Variants in CRYBG1 observed in about 807,000 individuals in gnomAD.
The protein encoded by CRYBG1 is beta/gamma crystallin domain-containing protein 1.
In CRYBG1, 139 loss-of-function variants were observed where a neutral mutation model predicts 189.2. The observed-to-expected ratio is 0.73, with a 90% CI of 0.64 to 0.85. The LOEUF (loss-of-function observed/expected upper bound fraction) is 0.85. Ranked by LOEUF, CRYBG1 falls within the 40% of genes least tolerant of loss-of-function variation. The pLI, the probability that CRYBG1 is intolerant of heterozygous loss-of-function variation, is 0.00. For synonymous variants in CRYBG1, 1,023 were observed against 1,017.1 expected, an observed-to-expected ratio of 1.01 and a Z score of -0.11; for missense variants, 2,611 against 2,675.8, an observed-to-expected ratio of 0.98 and a Z score of 0.53.
chr6:106,546,270 T>C (rs1214588681), intron 13 of CRYBG1, among the ~76,000 whole-genome samples: 2 of 152,232 alleles, frequency 1.3e-5, no homozygotes, highest in Non-Finnish European at 2.9e-5. Context: ...AGTTACATAA[T>C]TATTCTTGTA....
rs1771547820 is a variant in CRYBG1, at chr6:106,440,464, A to T, written c.174-11230A>T. 2.6e-5 allele frequency among the ~76,000 whole-genome samples: 4 copies of T among 151,976 alleles called. No homozygotes were observed. In the South Asian group the frequency reaches 8.3e-4, roughly 32 times the overall value. On this transcript the variant is annotated intron_variant, in intron 1 of 21. Transcript: ENST00000633556. ...ATTTTTTTGGTAGAGGCAGGGTTTC[A>T]CTATGTTGCCCAGGCTGGTCTCGAA... is the stretch of plus-strand genomic sequence containing the variant.
intron 2 of CRYBG1, among the ~76,000 whole-genome samples, chr6:106,476,857 G>T (rs1040994870): frequency 1.2e-4 from 19 of 152,290 alleles, no homozygotes; most frequent in African/African-American, 4.6e-4. Context: ...AGTCATATCT[G>T]CTCAGGTTCA....
In CRYBG1 at chr6:106,553,344, G is replaced by C. The variant is rs112409758; in HGVS notation, c.5473-111G>C. 270 of 676,396 alleles carry C rather than the reference G, an allele frequency of 4.0e-4. No homozygotes were observed. The African/African-American group carries it at 4.4e-3, about 11-fold the overall frequency. The allele number at this position is 676,396 out of a possible 1,614,324, so 41.9% of individuals were successfully genotyped here. A position where few individuals can be genotyped will look rare whatever the true frequency, so the allele number is the denominator to read the frequency against. ...TAAAGGATTTCTAAAATTCGTACCA[G>C]TTTACTGTAACAAAAGTCAGCAGGT... On this transcript the variant is annotated intron_variant, in intron 15 of 21. Coordinates refer to ENST00000633556, the MANE Select transcript of CRYBG1 (RefSeq NM_001371242.2).
In CRYBG1 at chr6:106,568,881, C is replaced by T. The variant is rs771178961; in HGVS notation, c.*315C>T. ...TATATCAAGATTTCAAGACTGTGTACATTTTAAATTATTTCCAAAGATAGT... is the reference window on the plus strand; with the variant it reads ...TATATCAAGATTTCAAGACTGTGTATATTTTAAATTATTTCCAAAGATAGT... On this transcript the variant is annotated 3_prime_UTR_variant, in exon 22 of 22. Coordinates refer to ENST00000633556, the MANE Select transcript of CRYBG1 (RefSeq NM_001371242.2). 31 of 236,818 alleles carry T rather than the reference C, an allele frequency of 1.3e-4. No homozygotes were observed. Among genetic ancestry groups the T allele is most frequent in the African/African-American group, 1.8e-4 (8 of 44,764 alleles). 14.7% of individuals were successfully genotyped at this position (236,818 alleles called of 1,614,324 possible).
Position 106,562,575 on chromosome 6 carries a change from C to T in CRYBG1, c.6138+1075C>T, listed in dbSNP as rs554520521. On this transcript the variant is annotated intron_variant, in intron 20 of 21. Coordinates refer to ENST00000633556, the MANE Select transcript of CRYBG1 (RefSeq NM_001371242.2). ...TATCTCGGCTCACTTCAACCTGTAC[C>T]TCCCGGGTTCACGCGATTCTCCTGC... Among the ~76,000 whole-genome samples, 15 of 152,220 alleles carry T rather than the reference C, an allele frequency of 9.9e-5. No homozygotes were observed. In the South Asian group the frequency reaches 2.7e-3, roughly 27 times the overall value.
chr6:106,504,227 G>C (rs768922269), intron 2 of CRYBG1, among the ~76,000 whole-genome samples: 1 of 152,190 alleles, frequency 6.6e-6, no homozygotes, highest in Non-Finnish European at 1.5e-5. Flanking sequence ...ACTGGGAGCA[G>C]TGACATCGGA....
At chr6:106,381,870 G>T (rs1335422085) in intron 1 of CRYBG1, among the ~76,000 whole-genome samples, 1 of 152,216 alleles carries the variant, frequency 6.6e-6, no homozygotes, top group Non-Finnish European at 1.5e-5. Flanking sequence ...ATCTTGAGGA[G>T]ATATGGACAG....
At chr6:106,466,339 T>C (rs1056388275) in intron 2 of CRYBG1, among the ~76,000 whole-genome samples, 1 of 152,218 alleles carries the variant, frequency 6.6e-6, no homozygotes, top group African/African-American at 2.4e-5. Flanking sequence ...CAAGTACCCA[T>C]GTGCTCAACA....
Position 106,512,625 on chromosome 6 carries a change from G to A in CRYBG1, c.1508G>A (p.Ser503Asn), listed in dbSNP as rs1274963644. The A allele has an allele frequency of 2.5e-6, 4 of 1,597,932 alleles. No homozygotes were observed. The highest frequency in any genetic ancestry group is 2.7e-5 in the African/African-American group (2 of 74,742). ...KGQLRGESDR[S>N]KQPPPASSPT... ...CAGCTCCGAGGGGAGTCGGACCGGA[G>A]CAAACAGCCACCCCCGGCTTCGTCC... Residue 503 changes from serine (S) to asparagine (N), a missense_variant, in exon 3 of 22, where the codon AGC becomes AAC. Ser to Asn is a conservative substitution (Grantham distance 46). This residue lies in a region of CRYBG1 where 985 missense variants were observed against 924.4 expected (regional missense o/e 1.07). Transcript: ENST00000633556.
chr6:106,371,696 C>A (rs542157186), intron 1 of CRYBG1, among the ~76,000 whole-genome samples: 4 of 152,310 alleles, frequency 2.6e-5, no homozygotes, highest in African/African-American at 9.6e-5. Context: ...CATGTTTAAA[C>A]AAGCTTGTCT....
intron 1 of CRYBG1, among the ~76,000 whole-genome samples, chr6:106,425,828 AG>A (rs1771214108): frequency 1.3e-5 from 2 of 152,180 alleles, no homozygotes; most frequent in East Asian, 3.9e-4. Flanking sequence ...CAGTAGAGAC[AG>A]GGTTTCACCA....
intron 1 of CRYBG1, among the ~76,000 whole-genome samples, chr6:106,432,481 G>T (rs1771348341): frequency 6.6e-6 from 1 of 151,434 alleles, no homozygotes; most frequent in East Asian, 2.0e-4. Context: ...GCTGTGGTAG[G>T]TACAAAGATG....
intron 13 of CRYBG1, among the ~76,000 whole-genome samples, chr6:106,548,800 A>C (rs2792467): frequency 1.3e-5 from 2 of 151,180 alleles, no homozygotes; most frequent in Non-Finnish European, 2.9e-5. Flanking sequence ...CGTGCAGGTT[A>C]GTTACATATG....
At chr6:106,495,453 A>G (rs954471663) in intron 2 of CRYBG1, among the ~76,000 whole-genome samples, 7 of 152,044 alleles carry the variant, frequency 4.6e-5, no homozygotes, top group African/African-American at 1.7e-4. Context: ...ATTGCCTAAG[A>G]CTTTGTTTTG....
At chr6:106,427,234 C>T (rs981373034) in intron 1 of CRYBG1, among the ~76,000 whole-genome samples, 4 of 152,182 alleles carry the variant, frequency 2.6e-5, no homozygotes, top group Admixed American at 2.0e-4. Flanking sequence ...CTGTCTGCAT[C>T]CCAGACACAT....
chr6:106,498,655 A>T (rs574012875), intron 2 of CRYBG1, among the ~76,000 whole-genome samples: 1 of 152,274 alleles, frequency 6.6e-6, no homozygotes, highest in South Asian at 2.1e-4. Flanking sequence ...TGGGCAGATA[A>T]CTTGAGGTTA....
Position 106,544,819 on chromosome 6 carries a change from G to C in CRYBG1, c.5198G>C (p.Ser1733Thr). The part of the protein sequence containing the change: ...DFSNAHMIMY[S>T]EKNFGSKGSS... ...TCAAATGCTCACATGATAATGTACA[G>C]TGAAAAAAACTTTGGATCCAAAGGT... is the stretch of plus-strand genomic sequence containing the variant. Residue 1733 changes from serine to threonine, a missense_variant, in exon 13 of 22, where the codon AGT (serine) becomes ACT (threonine). Transcript: ENST00000633556. 1 of 1,608,988 alleles carries C rather than the reference G, an allele frequency of 6.2e-7. No homozygotes were observed. The highest frequency in any genetic ancestry group is 8.5e-7 in the Non-Finnish European group (1 of 1,178,702).
chr6:106,437,094 G>A (rs536454499), intron 1 of CRYBG1, among the ~76,000 whole-genome samples: 1 of 152,242 alleles, frequency 6.6e-6, no homozygotes, highest in Non-Finnish European at 1.5e-5. Flanking sequence ...TCCAGCCTAG[G>A]CAACAGAGAG....
intron 1 of CRYBG1, among the ~76,000 whole-genome samples, chr6:106,405,991 T>C (rs2114362651): frequency 6.6e-6 from 1 of 152,234 alleles, no homozygotes; most frequent in South Asian, 2.1e-4. Context: ...TCACAACTCT[T>C]CGCCAGCAAG....
Sources: allele counts gnomAD v4.1 joint callset (sites outside exome capture counted in the v4.1 genomes callset), GRCh38; gene constraint gnomAD v4.1.1; regional missense constraint gnomAD v4.1.1; transcripts MANE v1.5; gene names NCBI Gene and HGNC (gene_info 2026-07-23, HGNC 2026-07-21).